Variants in PTPRD observed in about 807,000 individuals in gnomAD.
PTPRD encodes the protein protein tyrosine phosphatase receptor type D.
PTPRD carries 34 observed loss-of-function variants against 214.5 expected under a neutral mutation model. The ratio of observed to expected loss-of-function variants is 0.16; its 90% CI spans 0.12 to 0.21. The LOEUF (loss-of-function observed/expected upper bound fraction) is 0.21, where lower values mean the gene tolerates loss of function less well. Among genes scored for constraint, PTPRD ranks in the 10% least tolerant of loss-of-function variants. PTPRD has a pLI of 1.00. For synonymous variants in PTPRD, 1,128 were observed against 845.7 expected (o/e 1.33, Z -5.79); for missense variants, 2,545 against 2,398.7 (o/e 1.06, Z -1.27).
intron 11 of PTPRD, among the ~76,000 whole-genome samples, chr9:8,977,343 T>G (rs2099273497): frequency 6.6e-6 from 1 of 152,108 alleles, no homozygotes; most frequent in South Asian, 2.1e-4. Flanking sequence ...TTCCAAGATC[T>G]CTTAAAGTCC....
At chr9:9,892,347 C>A (rs2073629562) in intron 5 of PTPRD, among the ~76,000 whole-genome samples, 1 of 152,058 alleles carries the variant, frequency 6.6e-6, no homozygotes. Flanking sequence ...GAAGAGCAAT[C>A]CATGCCTGGC....
chr9:10,093,884 T>C (rs531757858), intron 3 of PTPRD, among the ~76,000 whole-genome samples: 3 of 151,370 alleles, frequency 2.0e-5, no homozygotes, highest in East Asian at 2.0e-4. Context: ...GAGCTAAACA[T>C]TGAGTATGCA....
At chr9:8,911,263 C>T (rs1359601063) in intron 11 of PTPRD, among the ~76,000 whole-genome samples, 1 of 152,048 alleles carries the variant, frequency 6.6e-6, no homozygotes, top group Non-Finnish European at 1.5e-5. Context: ...CCATTAGAAC[C>T]GAAGTGAGAC....
At chr9:9,059,729 G>T (rs1352784785) in intron 10 of PTPRD, among the ~76,000 whole-genome samples, 1 of 151,744 alleles carries the variant, frequency 6.6e-6, no homozygotes, top group Non-Finnish European at 1.5e-5. Flanking sequence ...AATTTAGCAA[G>T]GTTCTTAGAT....
chr9:9,343,817 G>C (rs1331998942), intron 9 of PTPRD, among the ~76,000 whole-genome samples: 3 of 152,032 alleles, frequency 2.0e-5, no homozygotes, highest in Non-Finnish European at 4.4e-5. Flanking sequence ...TGAAAGTGGG[G>C]AGGATGTTTC....
chr9:8,484,399 A>G (rs2096953065), intron 29 of PTPRD, 21 bp from the exon 30 acceptor site: 1 of 1,557,804 alleles, frequency 6.4e-7, no homozygotes, highest in Non-Finnish European at 8.7e-7. Context: ...AAAACCAATA[A>G]AAAAAAAATC....
At chr9:8,676,718 C>A (rs183591208) in intron 12 of PTPRD, among the ~76,000 whole-genome samples, 2 of 152,168 alleles carry the variant, frequency 1.3e-5, no homozygotes, top group African/African-American at 4.8e-5. Flanking sequence ...GGATTACAGG[C>A]ATGCGCCACC....
At chr9:10,064,796 C>T (rs142802776) in intron 3 of PTPRD, among the ~76,000 whole-genome samples, 205 of 152,038 alleles carry the variant, frequency 1.3e-3, no homozygotes, top group Non-Finnish European at 2.3e-3. Flanking sequence ...CATGTACTCC[C>T]TGAATCTAAA....
At chr9:9,277,523 T>C (rs567957617) in intron 9 of PTPRD, among the ~76,000 whole-genome samples, 1 of 151,464 alleles carries the variant, frequency 6.6e-6, no homozygotes, top group East Asian at 2.0e-4. Flanking sequence ...TGCTTAATTT[T>C]TATATATGAT....
rs561023251 is a variant in PTPRD, at chr9:10,482,402, A to C, written c.-600+129996T>G. ...TAAATAAATAAATAAGTAAATAAAT[A>C]AATCAATCAATAATATTATAACAAT... On this transcript the variant is annotated intron_variant, in intron 2 of 45. Coordinates refer to ENST00000381196, the MANE Select transcript of PTPRD (RefSeq NM_002839.4). Among the ~76,000 whole-genome samples, 211 of 151,942 alleles carry C rather than the reference A, an allele frequency of 1.4e-3. 1 individual carries two copies. Among genetic ancestry groups the C allele is most frequent in the African/African-American group, 4.6e-3 (189 of 41,518 alleles).
At chr9:9,042,130 T>G (rs2099641863) in intron 10 of PTPRD, among the ~76,000 whole-genome samples, 1 of 152,206 alleles carries the variant, frequency 6.6e-6, no homozygotes, top group African/African-American at 2.4e-5. Flanking sequence ...CACAACTCTC[T>G]TCTTTATGTA....
At chr9:9,657,772 C>A (rs951953537) in intron 7 of PTPRD, among the ~76,000 whole-genome samples, 10 of 152,146 alleles carry the variant, frequency 6.6e-5, no homozygotes, top group African/African-American at 2.4e-4. Flanking sequence ...CACATGGGGG[C>A]AAACCAATTG....
chr9:8,746,335 G>T (rs546215653), intron 11 of PTPRD, among the ~76,000 whole-genome samples: 1 of 152,070 alleles, frequency 6.6e-6, no homozygotes, highest in Admixed American at 6.6e-5. Context: ...GTTACAAAGT[G>T]ATTTGATAAT....
intron 11 of PTPRD, among the ~76,000 whole-genome samples, chr9:8,934,965 T>C (rs1588381328): frequency 6.6e-6 from 1 of 152,130 alleles, no homozygotes; most frequent in Admixed American, 6.6e-5. Context: ...TAAAGCTGAA[T>C]AATATTCCAC....
chr9:10,101,221 C>A (rs1043383698), intron 3 of PTPRD, among the ~76,000 whole-genome samples: 1 of 151,436 alleles, frequency 6.6e-6, no homozygotes, highest in African/African-American at 2.4e-5. Flanking sequence ...GCCTAGAAAG[C>A]AAGTAAAAGT....
intron 3 of PTPRD, among the ~76,000 whole-genome samples, chr9:10,135,808 G>C (rs957426604): frequency 5.9e-5 from 9 of 151,702 alleles, no homozygotes; most frequent in Non-Finnish European, 1.2e-4. Context: ...ACACTATAAA[G>C]CAACTACACA....
At chr9:10,246,151 G>C (rs1431876542) in intron 3 of PTPRD, among the ~76,000 whole-genome samples, 4 of 152,016 alleles carry the variant, frequency 2.6e-5, no homozygotes, top group African/African-American at 9.7e-5. Flanking sequence ...GCAACTACTA[G>C]ATATAAAAGC....
intron 2 of PTPRD, among the ~76,000 whole-genome samples, chr9:10,399,244 T>C (rs936079562): frequency 1.3e-5 from 2 of 152,044 alleles, no homozygotes; most frequent in South Asian, 4.1e-4. Context: ...CTGATAAAGC[T>C]GTATTTATCA....
At chr9:8,793,541 G>C (rs1836232) in intron 11 of PTPRD, among the ~76,000 whole-genome samples, 32,975 of 152,050 alleles carry the variant, frequency 0.22, 4,780 homozygotes, top group East Asian at 0.41. Flanking sequence ...AAGCTGTCAG[G>C]TTTGGGATAA....
Sources: gnomAD v4.1 joint callset for allele counts (sites outside exome capture counted in the v4.1 genomes callset) on GRCh38, gnomAD v4.1.1 for gene constraint, MANE v1.5 for transcripts, NCBI Gene and HGNC (gene_info 2026-07-23, HGNC 2026-07-21) for gene names.